Variants in AGBL1 observed in about 807,000 individuals in gnomAD.
The protein encoded by AGBL1 is AGBL carboxypeptidase 1.
Under a neutral mutation model 118.9 loss-of-function variants are expected in AGBL1, and 130 were observed. That is an observed-to-expected ratio of 1.09 (90% CI 0.95 to 1.26). The LOEUF (loss-of-function observed/expected upper bound fraction) is 1.26, where lower values mean the gene tolerates loss of function less well. AGBL1 is among the 50% of genes most tolerant of loss of function. The pLI, the probability that AGBL1 is intolerant of heterozygous loss-of-function variation, is 0.00. For synonymous variants in AGBL1, 555 were observed against 478.9 expected (o/e 1.16, Z -2.08); for missense variants, 1,584 against 1,298.1 (o/e 1.22, Z -3.38).
intron 4 of AGBL1, among the ~76,000 whole-genome samples, chr15:86,157,297 A>T (rs1567093140): frequency 6.6e-6 from 1 of 152,188 alleles, no homozygotes; most frequent in Non-Finnish European, 1.5e-5. Flanking sequence ...TCTCTAATAA[A>T]GGAAAAGAGG....
chr15:86,884,335 T>C (rs949569286), intron 22 of AGBL1, among the ~76,000 whole-genome samples: 2 of 151,980 alleles, frequency 1.3e-5, no homozygotes, highest in Non-Finnish European at 2.9e-5. Flanking sequence ...CAGGATGGAG[T>C]GGGACGACAC....
chr15:86,645,248 A>C (rs1388635930), intron 21 of AGBL1, among the ~76,000 whole-genome samples: 2 of 152,188 alleles, frequency 1.3e-5, no homozygotes, highest in African/African-American at 4.8e-5. Flanking sequence ...CTATTTTAAA[A>C]TAGTTTGGTA....
chr15:86,697,480 T>G (rs1387530626), intron 22 of AGBL1, among the ~76,000 whole-genome samples: 1 of 146,916 alleles, frequency 6.8e-6, no homozygotes, highest in African/African-American at 2.5e-5. Context: ...TCACTGAAGA[T>G]TTCTTCCCTC....
intron 22 of AGBL1, among the ~76,000 whole-genome samples, chr15:86,858,566 C>T (rs539810627): frequency 2.5e-4 from 38 of 152,146 alleles, no homozygotes; most frequent in South Asian, 6.2e-4. Context: ...CAAACATTCA[C>T]GGACAACCTA....
At chr15:86,224,465 T>C (rs1037209015) in intron 5 of AGBL1, among the ~76,000 whole-genome samples, 20 of 152,098 alleles carry the variant, frequency 1.3e-4, no homozygotes, top group African/African-American at 4.8e-4. Flanking sequence ...CCCAGGGGTA[T>C]GAGTGTTTCA....
intron 18 of AGBL1, among the ~76,000 whole-genome samples, chr15:86,515,272 GC>G (rs2083106159): frequency 6.6e-6 from 1 of 152,052 alleles, no homozygotes; most frequent in Non-Finnish European, 1.5e-5. Context: ...ATTACCTTGT[GC>G]CTGCTCTTAG....
intron 19 of AGBL1, among the ~76,000 whole-genome samples, chr15:86,545,340 C>T (rs889857746): frequency 1.3e-5 from 2 of 152,138 alleles, no homozygotes; most frequent in African/African-American, 4.8e-5. Flanking sequence ...TGATTAGCTT[C>T]TGTTTTTGTA....
At chr15:86,292,886 G>A (rs957342303) in intron 16 of AGBL1, among the ~76,000 whole-genome samples, 8 of 152,290 alleles carry the variant, frequency 5.3e-5, no homozygotes, top group Admixed American at 1.3e-4. Flanking sequence ...GAGCAGTAAG[G>A]TTATGCTGAT....
At chr15:86,678,367 G>A (rs1215628282) in intron 22 of AGBL1, among the ~76,000 whole-genome samples, 2 of 152,062 alleles carry the variant, frequency 1.3e-5, no homozygotes, top group Admixed American at 6.5e-5. Flanking sequence ...AGAAAATGGG[G>A]TGCTGTTTTA....
chr15:86,206,389 A>G (rs1358569948), intron 5 of AGBL1, among the ~76,000 whole-genome samples: 1 of 152,200 alleles, frequency 6.6e-6, no homozygotes, highest in Non-Finnish European at 1.5e-5. Context: ...GAATTGCCAT[A>G]CTGTCTTCCA....
intron 5 of AGBL1, among the ~76,000 whole-genome samples, chr15:86,178,756 C>A (rs1391970487): frequency 1.3e-5 from 2 of 152,148 alleles, no homozygotes; most frequent in African/African-American, 2.4e-5. Flanking sequence ...ACCCTGATAC[C>A]AAAAGCAGGC....
intron 24 of AGBL1, among the ~76,000 whole-genome samples, chr15:87,002,305 T>C (rs1253712495): frequency 3.9e-5 from 6 of 152,050 alleles, no homozygotes; most frequent in African/African-American, 1.5e-4. Flanking sequence ...TGGTATTATT[T>C]CTGAGGGCTC....
chr15:86,636,963 G>C (rs929257339), intron 21 of AGBL1, among the ~76,000 whole-genome samples: 1 of 151,442 alleles, frequency 6.6e-6, no homozygotes, highest in East Asian at 1.9e-4. Context: ...CATCTTCAAG[G>C]AGTTCAGATT....
At chr15:86,736,283 G>C (rs760254588) in intron 22 of AGBL1, among the ~76,000 whole-genome samples, 5 of 152,058 alleles carry the variant, frequency 3.3e-5, no homozygotes, top group Non-Finnish European at 5.9e-5. Context: ...AGGAGGCTGA[G>C]GCAGGAGAAT....
chr15:86,395,487 T>C (rs2081349026), intron 17 of AGBL1, among the ~76,000 whole-genome samples: 1 of 152,146 alleles, frequency 6.6e-6, no homozygotes, highest in Admixed American at 6.6e-5. Context: ...GTAATTATTT[T>C]CTTTCATATT....
intron 21 of AGBL1, among the ~76,000 whole-genome samples, chr15:86,557,984 G>A (rs1340616026): frequency 1.3e-5 from 2 of 152,072 alleles, no homozygotes. Flanking sequence ...GCTGGAAAAT[G>A]TGTGGGTGAA....
chr15:86,422,264 A>T (rs2081801613), intron 18 of AGBL1, among the ~76,000 whole-genome samples: 1 of 152,264 alleles, frequency 6.6e-6, no homozygotes, highest in Non-Finnish European at 1.5e-5. Context: ...ACCAAAGTGC[A>T]ATCAAATTAG....
intron 22 of AGBL1, among the ~76,000 whole-genome samples, chr15:86,855,438 G>A (rs2079464220): frequency 6.6e-6 from 1 of 152,096 alleles, no homozygotes. Context: ...TCATAGATTT[G>A]GGGTTAAGCA....
intron 5 of AGBL1, among the ~76,000 whole-genome samples, chr15:86,200,554 C>T (rs76031721): frequency 9.3e-6 from 1 of 107,260 alleles, no homozygotes; most frequent in Non-Finnish European, 1.9e-5. Flanking sequence ...ACCCCTACCC[C>T]CCCCCCCCTT....
Sources: gnomAD v4.1 joint callset for allele counts (sites outside exome capture counted in the v4.1 genomes callset) on GRCh38, gnomAD v4.1.1 for gene constraint, MANE v1.5 for transcripts, NCBI Gene and HGNC (gene_info 2026-07-23, HGNC 2026-07-21) for gene names.